Variants in GALNT13 observed in about 807,000 individuals in gnomAD.
GALNT13 encodes UDP-GalNAc:polypeptide N-acetylgalactosaminyltransferase 13.
A neutral mutation model predicts 64.2 loss-of-function variants in GALNT13; 28 were observed. The observed-to-expected ratio is 0.44, with a 90% CI of 0.32 to 0.60. The LOEUF (loss-of-function observed/expected upper bound fraction) is 0.60, where lower values mean the gene tolerates loss of function less well. Ranked by LOEUF, GALNT13 falls within the 20% of genes least tolerant of loss-of-function variation. The pLI is 0.05. For synonymous variants in GALNT13, 214 were observed against 224.6 expected, an observed-to-expected ratio of 0.95 and a Z score of 0.42; for missense variants, 577 against 669.8, an observed-to-expected ratio of 0.86 and a Z score of 1.53.
chr2:154,195,034 AT>A (rs1233356989), intron 4 of GALNT13, among the ~76,000 whole-genome samples: 1 of 151,850 alleles, frequency 6.6e-6, no homozygotes, highest in Non-Finnish European at 1.5e-5. Flanking sequence ...CTTGCCTTCC[AT>A]CCCCTGACAG....
the GALNT13 span, among the ~76,000 whole-genome samples, chr2:153,671,258 C>T: frequency 6.6e-6 from 1 of 152,062 alleles, no homozygotes; most frequent in Non-Finnish European, 1.5e-5. Flanking sequence ...GTTAGCTTCA[C>T]CGAGGTTGAA....
rs1223082585 is a variant in GALNT13, at chr2:154,172,990, T to C, written c.311+32485T>C. Among the ~76,000 whole-genome samples the C allele has an allele frequency of 2.0e-5, 3 of 152,016 alleles. No homozygotes were observed. The East Asian group carries it at 5.8e-4, about 29-fold the overall frequency. On this transcript the variant is annotated intron_variant, in intron 4 of 12. Transcript: ENST00000392825. Reference sequence around the variant, plus strand: ...AAAAATCCTAAAATTTATATAGAACTACAGAAGACCCCAAATAGACAAAGC... The same window carrying C: ...AAAAATCCTAAAATTTATATAGAACCACAGAAGACCCCAAATAGACAAAGC...
the GALNT13 span, among the ~76,000 whole-genome samples, chr2:153,598,317 T>C: frequency 6.6e-6 from 1 of 152,102 alleles, no homozygotes; most frequent in Non-Finnish European, 1.5e-5. Flanking sequence ...GGCAGCAAGT[T>C]CTTTCCTGCC....
the GALNT13 span, among the ~76,000 whole-genome samples, chr2:153,597,854 T>C: frequency 1.3e-5 from 2 of 152,062 alleles, no homozygotes; most frequent in Non-Finnish European, 2.9e-5. Context: ...AACACATTAT[T>C]CATTAGGGAA....
At chr2:153,252,083 A>G in the GALNT13 span, among the ~76,000 whole-genome samples, 1 of 150,038 alleles carries the variant, frequency 6.7e-6, no homozygotes, top group Non-Finnish European at 1.5e-5. Context: ...TTACAGTTCC[A>G]CCAACAGTGT....
At chr2:153,137,398 C>A in the GALNT13 span, among the ~76,000 whole-genome samples, 1 of 152,048 alleles carries the variant, frequency 6.6e-6, no homozygotes, top group Non-Finnish European at 1.5e-5. Context: ...GCTTAAGGAT[C>A]TATCTTGATT....
chr2:154,269,906 G>GTATATATA (rs67387315), intron 8 of GALNT13, among the ~76,000 whole-genome samples: 17,517 of 96,864 alleles, frequency 0.18, 2,221 homozygotes, highest in South Asian at 0.25. Flanking sequence ...ATATATATGT[G>GTATATATA]TATATATATA....
At chr2:153,920,181 C>T (rs1168427208) in intron 2 of GALNT13, among the ~76,000 whole-genome samples, 4 of 151,702 alleles carry the variant, frequency 2.6e-5, no homozygotes, top group African/African-American at 7.3e-5. Flanking sequence ...ACTTAGGTGT[C>T]ATCAATTACG....
chr2:154,365,904 A>G (rs992655599), intron 9 of GALNT13, among the ~76,000 whole-genome samples: 16 of 152,268 alleles, frequency 1.1e-4, no homozygotes, highest in Middle Eastern at 3.4e-3. Context: ...ACCTGACCCA[A>G]TATCAGCCTG....
chr2:153,992,064 C>T (rs1695194056), intron 3 of GALNT13, among the ~76,000 whole-genome samples: 1 of 152,056 alleles, frequency 6.6e-6, no homozygotes, highest in Non-Finnish European at 1.5e-5. Flanking sequence ...GGAAATAAAC[C>T]TTTCAGGGAA....
intron 3 of GALNT13, among the ~76,000 whole-genome samples, chr2:154,049,597 A>G (rs1465870706): frequency 2.0e-5 from 3 of 150,622 alleles, no homozygotes; most frequent in African/African-American, 4.9e-5. Context: ...CAGGGAATAC[A>G]CCACATATAA....
At chr2:154,355,296 C>T (rs998308582) in intron 9 of GALNT13, among the ~76,000 whole-genome samples, 1 of 152,062 alleles carries the variant, frequency 6.6e-6, no homozygotes, top group African/African-American at 2.4e-5. Context: ...CGGAGACTTG[C>T]CTTTTAAAAA....
At chr2:153,722,235 A>T in the GALNT13 span, among the ~76,000 whole-genome samples, 1 of 147,776 alleles carries the variant, frequency 6.8e-6, no homozygotes, top group Non-Finnish European at 1.5e-5. Flanking sequence ...TGAAGGCAGA[A>T]ATAAAGATGT....
chr2:153,604,562 C>G, the GALNT13 span, among the ~76,000 whole-genome samples: 1 of 151,984 alleles, frequency 6.6e-6, no homozygotes, highest in Non-Finnish European at 1.5e-5. Context: ...AAATTGCTAT[C>G]TAGATAAACC....
At chr2:153,664,687 T>C in the GALNT13 span, among the ~76,000 whole-genome samples, 4 of 152,204 alleles carry the variant, frequency 2.6e-5, no homozygotes, top group African/African-American at 9.6e-5. Context: ...TAAGAAATTA[T>C]AAAAGTATTA....
At chr2:154,187,391 CA>C (rs1686313860) in intron 4 of GALNT13, among the ~76,000 whole-genome samples, 1 of 151,048 alleles carries the variant, frequency 6.6e-6, no homozygotes, top group African/African-American at 2.4e-5. Flanking sequence ...CACACACACA[CA>C]CACACACACA....
the GALNT13 span, among the ~76,000 whole-genome samples, chr2:153,630,166 A>G: frequency 6.6e-6 from 1 of 151,966 alleles, no homozygotes. Context: ...CCAAAGGATT[A>G]TAAGTCATGC....
intron 9 of GALNT13, among the ~76,000 whole-genome samples, chr2:154,304,307 G>A (rs1054226920): frequency 1.3e-5 from 2 of 152,128 alleles, no homozygotes; most frequent in African/African-American, 4.8e-5. Context: ...GTTGAATTCA[G>A]CAAGAGCATG....
At chr2:153,907,415 T>G (rs181182896) in intron 2 of GALNT13, among the ~76,000 whole-genome samples, 341 of 152,064 alleles carry the variant, frequency 2.2e-3, no homozygotes, top group Non-Finnish European at 3.6e-3. Flanking sequence ...TTAACTTTTA[T>G]TTTAGGTTTA....
Sources: allele counts gnomAD v4.1 joint callset (sites outside exome capture counted in the v4.1 genomes callset), GRCh38; gene constraint gnomAD v4.1.1; transcripts MANE v1.5; gene names NCBI Gene and HGNC (gene_info 2026-07-23, HGNC 2026-07-21).